VDAC1: variants seen among roughly 807,000 people sequenced by gnomAD.
The protein encoded by VDAC1 is voltage dependent anion channel 1, also known as non-selective voltage-gated ion channel VDAC1.
In VDAC1, 10 loss-of-function variants were observed where a neutral mutation model predicts 34.7. That is an observed-to-expected ratio of 0.29 (90% CI 0.18 to 0.49). The LOEUF is 0.49. Ranked by LOEUF, VDAC1 falls within the 20% of genes least tolerant of loss-of-function variation. The pLI is 0.99. For missense variants in VDAC1, 230 were observed against 347.9 expected (o/e 0.66, Z 2.69); for synonymous variants, 130 against 136.0 (o/e 0.96, Z 0.30).
chr5:134,053,526 G>T, the VDAC1 span, among the ~76,000 whole-genome samples: 1 of 152,220 alleles, frequency 6.6e-6, no homozygotes, highest in African/African-American at 2.4e-5. Flanking sequence ...AGCGCAGCCT[G>T]CATGGAGTCA....
At chr5:134,034,359 T>G in the VDAC1 span, among the ~76,000 whole-genome samples, 1 of 152,182 alleles carries the variant, frequency 6.6e-6, no homozygotes, top group Non-Finnish European at 1.5e-5. Flanking sequence ...GACAGGATTT[T>G]CACAGATACT....
the VDAC1 span, among the ~76,000 whole-genome samples, chr5:134,082,849 G>C: frequency 1.3e-5 from 2 of 152,176 alleles, no homozygotes; most frequent in African/African-American, 2.4e-5. Context: ...TCATGTGCTT[G>C]TCAGCCATTC....
the VDAC1 span, among the ~76,000 whole-genome samples, chr5:134,056,771 C>T: frequency 0.74 from 112,361 of 152,108 alleles, 41,845 homozygotes; most frequent in East Asian, 0.89. Context: ...CCGCAACCTC[C>T]GCCTCCCAGG....
chr5:134,083,611 G>A, the VDAC1 span, among the ~76,000 whole-genome samples: 3 of 152,248 alleles, frequency 2.0e-5, no homozygotes, highest in South Asian at 6.2e-4. Flanking sequence ...GCTCTGGAAT[G>A]TCCAGGCTCC....
chr5:134,080,556 G>A, the VDAC1 span, among the ~76,000 whole-genome samples: 1 of 151,696 alleles, frequency 6.6e-6, no homozygotes, highest in East Asian at 1.9e-4. Flanking sequence ...AAGTCACCGA[G>A]GTACCATACC....
the VDAC1 span, among the ~76,000 whole-genome samples, chr5:134,021,876 A>G: frequency 7.5e-6 from 1 of 133,232 alleles, no homozygotes; most frequent in Admixed American, 7.8e-5. Context: ...AAAGCCTGTG[A>G]TTTTTTTTTT....
chr5:133,985,515 G>T (rs536228134), intron 5 of VDAC1, among the ~76,000 whole-genome samples: 2 of 152,320 alleles, frequency 1.3e-5, no homozygotes, highest in East Asian at 3.9e-4. Context: ...TTAGCAGGAC[G>T]TGGTGGCATG....
chr5:134,057,635 G>A, the VDAC1 span, among the ~76,000 whole-genome samples: 2 of 151,284 alleles, frequency 1.3e-5, no homozygotes, highest in Non-Finnish European at 2.9e-5. Flanking sequence ...GTTACAGTGA[G>A]CAGAGATTGC....
At chr5:134,036,652 TC>T in the VDAC1 span, among the ~76,000 whole-genome samples, 1 of 103,430 alleles carries the variant, frequency 9.7e-6, no homozygotes, top group African/African-American at 3.1e-5. Flanking sequence ...CAAGACACTG[TC>T]TTTTTTAAAA....
chr5:134,086,208 T>C, the VDAC1 span, among the ~76,000 whole-genome samples: 57 of 152,036 alleles, frequency 3.7e-4, no homozygotes, highest in African/African-American at 1.3e-3. Flanking sequence ...ATAATAATAA[T>C]AAAAAATACT....
the VDAC1 span, among the ~76,000 whole-genome samples, chr5:134,044,213 T>C: frequency 6.6e-6 from 1 of 152,240 alleles, no homozygotes; most frequent in Non-Finnish European, 1.5e-5. Context: ...AGGTAGGTTA[T>C]GATTGGCAGC....
At chr5:133,979,007 A>G (rs527462510) in intron 6 of VDAC1, among the ~76,000 whole-genome samples, 37 of 152,102 alleles carry the variant, frequency 2.4e-4, no homozygotes, top group Non-Finnish European at 4.9e-4. Flanking sequence ...CCCTGTCACC[A>G]AAAAATAATA....
intron 1 of VDAC1, among the ~76,000 whole-genome samples, chr5:133,997,977 G>C (rs1305925067): frequency 1.3e-5 from 2 of 151,494 alleles, no homozygotes; most frequent in Non-Finnish European, 2.9e-5. Context: ...TGGGGCAGAA[G>C]AATTGCCTCA....
chr5:134,110,712 C>T, the VDAC1 span, among the ~76,000 whole-genome samples: 1 of 152,242 alleles, frequency 6.6e-6, no homozygotes, highest in Non-Finnish European at 1.5e-5. Flanking sequence ...AGAGACGCCG[C>T]TCACAACCTC....
the VDAC1 span, among the ~76,000 whole-genome samples, chr5:134,074,793 G>A: frequency 6.6e-5 from 10 of 152,074 alleles, no homozygotes; most frequent in African/African-American, 2.2e-4. Flanking sequence ...ATGTACTGAT[G>A]CAGGGAACTC....
At chr5:134,114,476 C>T in the VDAC1 span, among the ~76,000 whole-genome samples, 1 of 152,124 alleles carries the variant, frequency 6.6e-6, no homozygotes, top group East Asian at 1.9e-4. Flanking sequence ...GTCAGGAGTT[C>T]CCGTTAGAGT....
chr5:134,031,518 T>C, the VDAC1 span, among the ~76,000 whole-genome samples: 1 of 152,184 alleles, frequency 6.6e-6, no homozygotes, highest in Non-Finnish European at 1.5e-5. Flanking sequence ...GAATGCAATG[T>C]GACCAGGAAA....
At position 133,980,746 on chromosome 5, in the gene VDAC1, G is replaced by T; in HGVS notation, c.534C>A (p.Phe178Leu). ...ACACTTACACATTAGTGTGAAGCTG[G>T]AATTCATCAGTCTTGTAGCCAACTG... ...NFAVGYKTDE[F>L]QLHTNVNDGT... Residue 178 changes from phenylalanine to leucine, a missense_variant, in exon 6 of 9, where the codon TTC (phenylalanine) becomes TTA (leucine). Coordinates refer to ENST00000265333, the MANE Select transcript of VDAC1 (RefSeq NM_003374.3). 1 of 1,604,056 alleles carries T rather than the reference G, an allele frequency of 6.2e-7. No homozygotes were observed. Among genetic ancestry groups the T allele is most frequent in the East Asian group, 2.2e-5 (1 of 44,456 alleles).
the VDAC1 span, among the ~76,000 whole-genome samples, chr5:134,074,808 C>A: frequency 6.6e-6 from 1 of 152,022 alleles, no homozygotes; most frequent in African/African-American, 2.4e-5. Context: ...GAACTCCAAG[C>A]AGATGAAGGG....
Sources: gnomAD v4.1 joint callset for allele counts (sites outside exome capture counted in the v4.1 genomes callset) on GRCh38, gnomAD v4.1.1 for gene constraint, MANE v1.5 for transcripts, NCBI Gene and HGNC (gene_info 2026-07-23, HGNC 2026-07-21) for gene names.